ARID3A: variants seen among roughly 807,000 people sequenced by gnomAD.
The protein encoded by ARID3A is AT-rich interaction domain 3A, also known as AT-rich interactive domain-containing protein 3A.
ARID3A carries 11 observed loss-of-function variants against 52.7 expected under a neutral mutation model. The ratio of observed to expected loss-of-function variants is 0.21; its 90% CI spans 0.13 to 0.35. The LOEUF is 0.35. Among genes scored for constraint, ARID3A ranks in the 10% least tolerant of loss-of-function variants. The probability of loss-of-function intolerance (pLI) is 1.00; values close to 1 mark genes in which losing one functional copy is unlikely to be tolerated. For synonymous variants in ARID3A, 404 were observed against 359.4 expected (o/e 1.12, Z -1.40); for missense variants, 721 against 838.5 (o/e 0.86, Z 1.73).
At position 929,454 on chromosome 19, in the gene ARID3A, C is replaced by G; in HGVS notation, c.-75C>G. The G allele has an allele frequency of 1.0e-3, 1,074 of 1,062,050 alleles. No individual in the cohort carries two copies. The highest frequency in any genetic ancestry group is 1.2e-3 in the Non-Finnish European group (979 of 825,392). The allele number at this position is 1,062,050 out of a possible 1,614,324, so 65.8% of individuals were successfully genotyped here. On this transcript the variant is annotated 5_prime_UTR_variant, in exon 2 of 9. Transcript: ENST00000263620. This position sits in a 1 kb window ranked among gnomAD's most constrained non-coding sequence, Gnocchi z 6.2. ...CGGCCGGGCCCCCTCCCCGCAGGGG[C>G]CGCCCCCGCCGCCCACCCCTAGCGC...
intron 8 of ARID3A, among the ~76,000 whole-genome samples, chr19:969,720 C>T (rs1447922723): frequency 3.3e-5 from 5 of 149,970 alleles, no homozygotes; most frequent in Non-Finnish European, 5.9e-5. Flanking sequence ...GGAGTCTTCC[C>T]TCTGTCACCC....
rs1204035736 is a variant in ARID3A, at chr19:942,452, C to T, written c.693+9710C>T. 2.6e-5 allele frequency among the ~76,000 whole-genome samples: 4 copies of T among 152,222 alleles called. No homozygotes were observed. The highest frequency in any genetic ancestry group is 2.1e-4 in the South Asian group (1 of 4,830). On this transcript the variant is annotated intron_variant, in intron 3 of 8. Transcript: ENST00000263620. The surrounding 1 kb of genome is among the most constrained non-coding windows in gnomAD (Gnocchi z 8.1). ...CGGTGCCGACCTGGTGGGTGGCACA[C>T]GGGGGGCGGGTGCGGACCGCCTCTT...
intron 3 of ARID3A, among the ~76,000 whole-genome samples, chr19:933,352 C>T (rs746442607): frequency 1.3e-5 from 2 of 152,174 alleles, no homozygotes; most frequent in Non-Finnish European, 1.5e-5. Flanking sequence ...CCCAGCCTTT[C>T]CCCGCAGGCG....
chr19:966,680 A>G lies in ARID3A; in HGVS notation c.1307A>G (p.Gln436Arg), dbSNP rs999477648. The stretch of plus-strand genomic sequence containing the variant: ...GCAGCTGTGCAAGCAGCAGCCGCCC[A>G]AGCAGCTGTGGCCGCACAGGCAGCT... ...QAAAVQAAAA[Q>R]AAVAAQAAAL... The change falls in exon 7 of 9, where the codon CAA becomes CGA. Residue 436 changes from glutamine to arginine, a missense_variant. Gln to Arg is a conservative substitution (Grantham distance 43). Coordinates refer to ENST00000263620, the MANE Select transcript of ARID3A (RefSeq NM_005224.3). 2 of 1,610,786 alleles carry G rather than the reference A, an allele frequency of 1.2e-6. No individual in the cohort carries two copies. Among genetic ancestry groups the G allele is most frequent in the Admixed American group, 3.3e-5 (2 of 59,868 alleles).
At chr19:968,890 G>C (rs560817539) in intron 8 of ARID3A, 1 of 156,210 alleles carries the variant, frequency 6.4e-6, no homozygotes, top group Non-Finnish European at 1.4e-5. Context: ...CTGGGCTCAC[G>C]CAATCTTCCT....
chr19:966,787 C>T lies in ARID3A; in HGVS notation c.1414C>T (p.Arg472Trp), dbSNP rs140181068. ...GGCCCTGGTGGCCGATGAGCAGCAA[C>T]GGCTGATGCAACGTGCACTCCAGCA... ...KMALVADEQQ[R>W]LMQRALQQNF... is the part of the protein sequence containing the mutation. The change falls in exon 7 of 9, where the codon CGG (arginine) becomes TGG (tryptophan). Residue 472 changes from arginine (R) to tryptophan (W), a missense_variant. Around this residue, in one of 5 missense-constraint regions of ARID3A, gnomAD observed 297 missense variants for 343.2 expected, o/e 0.87. Transcript: ENST00000263620. 91 of 1,613,528 alleles carry T rather than the reference C, an allele frequency of 5.6e-5. No homozygotes were observed. Among genetic ancestry groups the T allele is most frequent in the Middle Eastern group, 1.6e-4 (1 of 6,082 alleles).
intron 8 of ARID3A, 71 bp downstream of exon 8, chr19:968,574 T>TG: frequency 6.8e-7 from 1 of 1,470,774 alleles, no homozygotes; most frequent in Non-Finnish European, 9.5e-7. Context: ...GACCCTGAGT[T>TG]GCGCCTGGTC....
In ARID3A at chr19:964,286, G is replaced by A; in HGVS notation, c.805G>A (p.Val269Ile). The A allele has an allele frequency of 6.2e-7, 1 of 1,614,050 alleles. No homozygotes were observed. Residue 269 changes from valine to isoleucine, a missense_variant, in exon 5 of 9, where the codon GTC becomes ATC. Physicochemically the swap from Val to Ile is conservative, Grantham distance 29. This residue lies in a region of ARID3A where 43 missense variants were observed against 143.7 expected (regional missense o/e 0.30). Transcript: ENST00000263620. The surrounding 1 kb of genome is among the most constrained non-coding windows in gnomAD (Gnocchi z 5.7). ...VNRIPIMAKQ[V>I]LDLFMLYVLV... ...CCGCATCCCCATCATGGCCAAACAG[G>A]TCCTTGACCTGTTCATGCTGTACGT...
Position 964,124 on chromosome 19 carries a change from AC to A in ARID3A, c.767-123del. On this transcript the variant is annotated intron_variant, in intron 4 of 8. Coordinates refer to ENST00000263620, the MANE Select transcript of ARID3A (RefSeq NM_005224.3). The surrounding 1 kb of genome is among the most constrained non-coding windows in gnomAD (Gnocchi z 5.7). Reference sequence around the variant, plus strand: ...AGAGGGCCCTGGGCAATGTCTGGAGACATCTGTGGTTGTCACAGCCTGGGCG... The same window carrying A: ...AGAGGGCCCTGGGCAATGTCTGGAGAATCTGTGGTTGTCACAGCCTGGGCG... The A allele has an allele frequency of 1.4e-6, 1 of 736,512 alleles. No homozygotes were observed. The highest frequency in any genetic ancestry group is 2.2e-6 in the Non-Finnish European group (1 of 455,798). 45.6% of individuals were successfully genotyped at this position (736,512 alleles called of 1,614,324 possible). A position where few individuals can be genotyped will look rare whatever the true frequency, so the allele number is the denominator to read the frequency against.
Position 973,751 on chromosome 19 carries a change from G to A in ARID3A, c.*1686G>A, listed in dbSNP as rs1183804870. 4 of 228,272 alleles carry A rather than the reference G, an allele frequency of 1.8e-5. No individual in the cohort carries two copies. Among genetic ancestry groups the A allele is most frequent in the South Asian group, 1.8e-4 (1 of 5,480 alleles). The allele number at this position is 228,272 out of a possible 1,614,324, so 14.1% of individuals were successfully genotyped here. ...GTTCTGCGGTGACTAAATCGAGGCC[G>A]AGAAGGGAGGCTGCCCCCCACCACC... On this transcript the variant is annotated 3_prime_UTR_variant, in exon 9 of 9. Transcript: ENST00000263620.
At position 973,422 on chromosome 19, in the gene ARID3A, A is replaced by AATCTT. The variant is rs954309557; in HGVS notation, c.*1362_*1366dup. On this transcript the variant is annotated 3_prime_UTR_variant, in exon 9 of 9. Coordinates refer to ENST00000263620, the MANE Select transcript of ARID3A (RefSeq NM_005224.3). Reference sequence around the variant, plus strand: ...AGCCGCCACGCTGGCCCGGTCTGGAAATCTTATCTAAAAAGTAGCAAGTGC... The same window carrying AATCTT: ...AGCCGCCACGCTGGCCCGGTCTGGAAATCTTATCTTATCTAAAAAGTAGCAAGTGC... The AATCTT allele has an allele frequency of 2.5e-5, 5 of 198,102 alleles. No individual in the cohort carries two copies. Among genetic ancestry groups the AATCTT allele is most frequent in the African/African-American group, 1.2e-4 (5 of 43,316 alleles). The allele number at this position is 198,102 out of a possible 1,614,324, so 12.3% of individuals were successfully genotyped here.
intron 8 of ARID3A, among the ~76,000 whole-genome samples, chr19:969,834 G>C (rs999542851): frequency 6.6e-6 from 1 of 150,848 alleles, no homozygotes; most frequent in Non-Finnish European, 1.5e-5. Flanking sequence ...GACTACAGGC[G>C]TGTGTCACCA....
Position 974,494 on chromosome 19 carries a change from C to T in ARID3A, c.*2429C>T, listed in dbSNP as rs571182849. 14 of 230,848 alleles carry T rather than the reference C, an allele frequency of 6.1e-5. No homozygotes were observed. The highest frequency in any genetic ancestry group is 3.6e-4 in the South Asian group (2 of 5,510). The allele number at this position is 230,848 out of a possible 1,614,324, so 14.3% of individuals were successfully genotyped here. ...ACCCCCGTCCCACGCCTGGGCCCCGCGCCGGGGGAAGCGCCTGCTGCCTAT... is the reference window on the plus strand; with the variant it reads ...ACCCCCGTCCCACGCCTGGGCCCCGTGCCGGGGGAAGCGCCTGCTGCCTAT... On this transcript the variant is annotated 3_prime_UTR_variant, in exon 9 of 9. Coordinates refer to ENST00000263620, the MANE Select transcript of ARID3A (RefSeq NM_005224.3).
chr19:956,674 C>T (rs2037924768), intron 3 of ARID3A: 1 of 152,516 alleles, frequency 6.6e-6, no homozygotes, highest in Non-Finnish European at 1.5e-5. Flanking sequence ...GGGGCGGAGA[C>T]AAAGACCAGG....
chr19:927,897 C>A (rs2145336580), intron 1 of ARID3A, among the ~76,000 whole-genome samples: 1 of 150,096 alleles, frequency 6.7e-6, no homozygotes, highest in East Asian at 2.0e-4. Flanking sequence ...ACCCACCTGC[C>A]CCCCACTGCC....
chr19:929,885 CGACGAG>C lies in ARID3A; in HGVS notation c.361_366del (p.Glu121_Asp122del). 1 of 1,541,484 alleles carries C rather than the reference CGACGAG, an allele frequency of 6.5e-7. No individual in the cohort carries two copies. The highest frequency in any genetic ancestry group is 2.4e-5 in the East Asian group (1 of 40,898). ...AGGAGCACTTTGAGGACATGGCCTCCGACGAGGACATGTGAGTTGGGGTCTGGGGCA... is the reference window on the plus strand; with the variant it reads ...AGGAGCACTTTGAGGACATGGCCTCCGACATGTGAGTTGGGGTCTGGGGCA... On this transcript the variant is annotated inframe_deletion, in exon 2 of 9. Transcript: ENST00000263620. The surrounding 1 kb of genome is among the most constrained non-coding windows in gnomAD (Gnocchi z 6.2).
chr19:934,455 G>A lies in ARID3A; in HGVS notation c.693+1713G>A, dbSNP rs1001340186. 2.6e-5 allele frequency among the ~76,000 whole-genome samples: 4 copies of A among 152,218 alleles called. No individual in the cohort carries two copies. In the South Asian group the frequency reaches 6.2e-4, roughly 24 times the overall value. On this transcript the variant is annotated intron_variant, in intron 3 of 8. Coordinates refer to ENST00000263620, the MANE Select transcript of ARID3A (RefSeq NM_005224.3). ...GTCTACCTTGTCTGGGCGACACCGC[G>A]GGTCAGGGTTGTAGGTGCCATGTGG...
chr19:960,181 C>A lies in ARID3A; in HGVS notation c.766+17C>A, dbSNP rs1599418606. ...AGAAGCGAGGTGAGCCCTCTGCCCCCACCCCGCTGGAGGGAGGTCACAGAA... is the reference window on the plus strand; with the variant it reads ...AGAAGCGAGGTGAGCCCTCTGCCCCAACCCCGCTGGAGGGAGGTCACAGAA... On this transcript the variant is annotated intron_variant, in intron 4 of 8. Transcript: ENST00000263620. The surrounding 1 kb of genome is among the most constrained non-coding windows in gnomAD (Gnocchi z 4.3). 2 of 1,604,376 alleles carry A rather than the reference C, an allele frequency of 1.2e-6. No individual in the cohort carries two copies. Among genetic ancestry groups the A allele is most frequent in the East Asian group, 2.3e-5 (1 of 44,278 alleles).
Position 973,853 on chromosome 19 carries a change from G to C in ARID3A, c.*1788G>C, listed in dbSNP as rs559761057. On this transcript the variant is annotated 3_prime_UTR_variant, in exon 9 of 9. Coordinates refer to ENST00000263620, the MANE Select transcript of ARID3A (RefSeq NM_005224.3). Reference sequence around the variant, plus strand: ...CTGAGCTGGGGGGTTATTTTGGCTGGAGCTGCTGGAGCAGAAAGGCTGGGT... The same window carrying C: ...CTGAGCTGGGGGGTTATTTTGGCTGCAGCTGCTGGAGCAGAAAGGCTGGGT... The C allele has an allele frequency of 4.3e-6, 1 of 230,940 alleles. No homozygotes were observed. The highest frequency in any genetic ancestry group is 2.2e-5 in the African/African-American group (1 of 45,296). The allele number at this position is 230,940 out of a possible 1,614,324, so 14.3% of individuals were successfully genotyped here. A position where few individuals can be genotyped will look rare whatever the true frequency, so the allele number is the denominator to read the frequency against.
Sources: allele counts gnomAD v4.1 joint callset (sites outside exome capture counted in the v4.1 genomes callset), GRCh38; gene constraint gnomAD v4.1.1; regional missense constraint gnomAD v4.1.1; non-coding constraint Gnocchi (gnomAD v3.1); transcripts MANE v1.5; gene names NCBI Gene and HGNC (gene_info 2026-07-23, HGNC 2026-07-21).